The following DYM variants were observed in gnomAD, a reference collection of about 807,000 sequenced individuals.
The protein encoded by DYM is dymeclin.
DYM carries 78 observed loss-of-function variants against 93.1 expected under a neutral mutation model. The observed-to-expected ratio is 0.84, with a 90% confidence interval of 0.70 to 1.01. DYM has a LOEUF of 1.01. Among genes scored for constraint, DYM ranks in the 50% least tolerant of loss-of-function variants. The pLI, the probability that DYM is intolerant of heterozygous loss-of-function variation, is 0.00. For missense variants in DYM, 789 were observed against 845.0 expected, an observed-to-expected ratio of 0.93 and a Z score of 0.82; for synonymous variants, 321 against 319.7, an observed-to-expected ratio of 1.00 and a Z score of -0.04.
chr18:49,346,722 T>C (rs2064633497), intron 6 of DYM, among the ~76,000 whole-genome samples: 1 of 152,204 alleles, frequency 6.6e-6, no homozygotes, highest in Non-Finnish European at 1.5e-5. Context: ...CAGGATAGAA[T>C]GTTAACTAGA....
At chr18:49,132,749 A>T (rs528365571) in intron 15 of DYM, among the ~76,000 whole-genome samples, 1 of 152,310 alleles carries the variant, frequency 6.6e-6, no homozygotes, top group South Asian at 2.1e-4. Flanking sequence ...AATCCAAGTA[A>T]TTTCAAGAAT....
intron 15 of DYM, among the ~76,000 whole-genome samples, chr18:49,162,595 T>C (rs538082157): frequency 1.3e-5 from 2 of 152,348 alleles, no homozygotes; most frequent in South Asian, 4.1e-4. Flanking sequence ...CACTGGGGAT[T>C]AAGTTTCAAC....
intron 12 of DYM, 108 bp downstream of exon 12, chr18:49,258,272 T>C (rs1210680204): frequency 1.2e-5 from 9 of 759,922 alleles, no homozygotes; most frequent in African/African-American, 6.9e-5. Context: ...CGGTATTTTC[T>C]ACCATATGTC....
At chr18:49,287,076 A>G (rs973644707) in intron 8 of DYM, among the ~76,000 whole-genome samples, 3 of 152,088 alleles carry the variant, frequency 2.0e-5, no homozygotes, top group African/African-American at 7.2e-5. Flanking sequence ...CTGTAGTCCC[A>G]GCTACTTGGC....
At chr18:49,080,952 G>C (rs574021339) in intron 17 of DYM, among the ~76,000 whole-genome samples, 6 of 150,474 alleles carry the variant, frequency 4.0e-5, no homozygotes, top group African/African-American at 1.5e-4. Context: ...GGATGGCTGC[G>C]GGGAAGAGGT....
At chr18:49,126,968 T>G (rs2082888424) in intron 15 of DYM, among the ~76,000 whole-genome samples, 1 of 152,242 alleles carries the variant, frequency 6.6e-6, no homozygotes. Context: ...CTTGCATTTA[T>G]GAAATAAGAT....
intron 13 of DYM, among the ~76,000 whole-genome samples, chr18:49,217,871 A>G (rs1010062544): frequency 6.6e-6 from 1 of 152,228 alleles, no homozygotes; most frequent in African/African-American, 2.4e-5. Context: ...ACCAGCTAAC[A>G]TCATAACCAC....
chr18:49,455,253 A>T (rs961611448), intron 1 of DYM, among the ~76,000 whole-genome samples: 4 of 152,140 alleles, frequency 2.6e-5, no homozygotes, highest in Admixed American at 2.6e-4. Context: ...TTTGAGTGTC[A>T]GTCCCGTTTA....
intron 11 of DYM, among the ~76,000 whole-genome samples, chr18:49,259,807 C>T (rs1036957122): frequency 6.6e-6 from 1 of 152,090 alleles, no homozygotes; most frequent in Non-Finnish European, 1.5e-5. Context: ...ATAAGAACAG[C>T]ACAGTGTTAA....
rs375448540 is a variant in DYM at position 49,222,014 on chromosome 18, A to G, written c.1461-12299T>C. ...AAAAAAAAGAAAGAAAAAAGAAACT[A>G]GACAAAGTATTATTTTGAATAACTT... On this transcript the variant is annotated intron_variant, in intron 13 of 17. Coordinates refer to ENST00000675505, the MANE Select transcript of DYM (RefSeq NM_001353214.3). Among the ~76,000 whole-genome samples, 20 of 152,072 alleles carry G rather than the reference A, an allele frequency of 1.3e-4. No individual in the cohort carries two copies. The South Asian group carries it at 4.2e-3, about 32-fold the overall frequency.
At chr18:49,193,516 C>A (rs1429532732) in intron 14 of DYM, among the ~76,000 whole-genome samples, 1 of 152,194 alleles carries the variant, frequency 6.6e-6, no homozygotes, top group Non-Finnish European at 1.5e-5. Flanking sequence ...CAAAGTCACT[C>A]TTCGATTCCC....
intron 5 of DYM, among the ~76,000 whole-genome samples, chr18:49,365,466 A>G (rs1378197257): frequency 6.6e-6 from 1 of 152,196 alleles, no homozygotes; most frequent in Admixed American, 6.5e-5. Flanking sequence ...GGACTGCATG[A>G]TTAGTTACCA....
chr18:49,085,104 G>C (rs1380085231), intron 17 of DYM, among the ~76,000 whole-genome samples: 1 of 152,160 alleles, frequency 6.6e-6, no homozygotes, highest in Admixed American at 6.5e-5. Context: ...TTTATTAGTA[G>C]ATGAGACCTT....
chr18:49,268,520 T>C (rs1383114208), intron 11 of DYM, among the ~76,000 whole-genome samples: 2 of 152,182 alleles, frequency 1.3e-5, no homozygotes, highest in Non-Finnish European at 2.9e-5. Context: ...AGAATGAGGA[T>C]ACAGAAAAGT....
chr18:49,054,087 T>C (rs1201012634), intron 17 of DYM, among the ~76,000 whole-genome samples: 1 of 152,200 alleles, frequency 6.6e-6, no homozygotes, highest in Non-Finnish European at 1.5e-5. Context: ...TGATCAAGAC[T>C]GAAGTGCAGG....
chr18:49,213,549 C>G (rs1041729067), intron 13 of DYM, among the ~76,000 whole-genome samples: 1 of 152,154 alleles, frequency 6.6e-6, no homozygotes, highest in Non-Finnish European at 1.5e-5. Context: ...ATCCTGACCT[C>G]AGGCAATCCA....
intron 17 of DYM, among the ~76,000 whole-genome samples, chr18:49,084,275 CCTTT>C (rs1326643765): frequency 3.3e-5 from 5 of 152,200 alleles, no homozygotes; most frequent in South Asian, 2.1e-4. Flanking sequence ...TTTCCAAATA[CCTTT>C]CTTTTGTTTA....
chr18:49,254,911 G>C (rs976482091), intron 13 of DYM, among the ~76,000 whole-genome samples: 2 of 152,062 alleles, frequency 1.3e-5, no homozygotes, highest in African/African-American at 4.8e-5. Flanking sequence ...GAAACTAAAG[G>C]CTCTTCAGAA....
intron 14 of DYM, among the ~76,000 whole-genome samples, chr18:49,194,373 G>C (rs950678695): frequency 6.6e-6 from 1 of 150,700 alleles, no homozygotes; most frequent in Admixed American, 6.6e-5. Context: ...ACTGAGACTA[G>C]AGTGCCTCCT....
Sources: gnomAD v4.1 joint callset for allele counts (sites outside exome capture counted in the v4.1 genomes callset) on GRCh38, gnomAD v4.1.1 for gene constraint, MANE v1.5 for transcripts, NCBI Gene and HGNC (gene_info 2026-07-23, HGNC 2026-07-21) for gene names.